The following EXOC6B variants were observed in gnomAD, a reference collection of about 807,000 sequenced individuals.
The protein encoded by EXOC6B is exocyst complex component 6B, also known as SEC15 homolog B.
In EXOC6B, 54 loss-of-function variants were observed where a neutral mutation model predicts 113.5. The observed-to-expected ratio is 0.48, with a 90% CI of 0.38 to 0.60. EXOC6B has a LOEUF of 0.60. Among genes scored for constraint, EXOC6B ranks in the 20% least tolerant of loss-of-function variants. The pLI is 0.00. For synonymous variants in EXOC6B, 357 were observed against 339.0 expected, an observed-to-expected ratio of 1.05 and a Z score of -0.58; for missense variants, 797 against 977.5, an observed-to-expected ratio of 0.82 and a Z score of 2.46.
At chr2:72,529,028 G>A (rs1457467344) in intron 8 of EXOC6B, among the ~76,000 whole-genome samples, 11 of 152,060 alleles carry the variant, frequency 7.2e-5, no homozygotes, top group Admixed American at 7.2e-4. Flanking sequence ...CATTCTGCAT[G>A]CCCTTTATCT....
intron 10 of EXOC6B, 42 bp from the exon 11 acceptor site, chr2:72,513,294 C>T: frequency 6.2e-7 from 1 of 1,608,750 alleles, no homozygotes; most frequent in Non-Finnish European, 8.5e-7. Context: ...TCAGAAATTA[C>T]AGTTTTATTA....
intron 6 of EXOC6B, among the ~76,000 whole-genome samples, chr2:72,699,770 G>A (rs1383493104): frequency 3.3e-5 from 5 of 152,164 alleles, no homozygotes; most frequent in Admixed American, 6.5e-5. Flanking sequence ...TGGCACCAGG[G>A]TAAAATTACC....
intron 6 of EXOC6B, among the ~76,000 whole-genome samples, chr2:72,658,705 T>C (rs1037575926): frequency 2.6e-5 from 4 of 152,240 alleles, no homozygotes; most frequent in African/African-American, 9.6e-5. Context: ...TATATACTTC[T>C]ATTGAGAGTT....
intron 1 of EXOC6B, among the ~76,000 whole-genome samples, chr2:72,810,856 C>T (rs922622481): frequency 1.1e-4 from 17 of 151,990 alleles, no homozygotes; most frequent in Admixed American, 1.0e-3. Flanking sequence ...GAGTTCAAGA[C>T]CAGGCTGGGT....
Position 72,701,290 on chromosome 2 carries a change from C to T in EXOC6B, c.669+16813G>A, listed in dbSNP as rs987028969. 4.1e-5 allele frequency among the ~76,000 whole-genome samples: 6 copies of T among 147,040 alleles called. No individual in the cohort carries two copies. The South Asian group carries it at 1.1e-3, about 26-fold the overall frequency. On this transcript the variant is annotated intron_variant, in intron 6 of 21. Transcript: ENST00000272427. ...CAGGAAGTCAAAGGATGCAGTGAGCCGAGATCGTACCACTGCACTCCAGCC... is the reference window on the plus strand; with the variant it reads ...CAGGAAGTCAAAGGATGCAGTGAGCTGAGATCGTACCACTGCACTCCAGCC...
At chr2:72,490,231 A>C (rs1699667410) in intron 16 of EXOC6B, among the ~76,000 whole-genome samples, 1 of 152,166 alleles carries the variant, frequency 6.6e-6, no homozygotes, top group African/African-American at 2.4e-5. Context: ...GGGGAAAAAA[A>C]CCTAGATTTA....
intron 20 of EXOC6B, among the ~76,000 whole-genome samples, chr2:72,225,961 T>A (rs546011625): frequency 1.3e-5 from 2 of 152,120 alleles, no homozygotes; most frequent in Admixed American, 1.3e-4. Context: ...AGAAGTTGTA[T>A]CCATTTATAG....
chr2:72,495,739 C>T (rs1700000548), intron 14 of EXOC6B, among the ~76,000 whole-genome samples, 200 bp from the exon 15 acceptor site: 1 of 152,024 alleles, frequency 6.6e-6, no homozygotes, highest in Admixed American at 6.6e-5. Context: ...TTCAAATGTC[C>T]TTCATCATGG....
At chr2:72,626,374 A>G (rs1396963718) in intron 6 of EXOC6B, among the ~76,000 whole-genome samples, 1 of 152,160 alleles carries the variant, frequency 6.6e-6, no homozygotes, top group Non-Finnish European at 1.5e-5. Flanking sequence ...CTAAATTAAG[A>G]AATATTTTAT....
chr2:72,555,141 A>T (rs1573384053), intron 8 of EXOC6B, among the ~76,000 whole-genome samples: 1 of 152,118 alleles, frequency 6.6e-6, no homozygotes, highest in Admixed American at 6.5e-5. Context: ...ACATTTTCTT[A>T]ACCCAGTCTA....
intron 6 of EXOC6B, among the ~76,000 whole-genome samples, chr2:72,705,230 C>T (rs1678765546): frequency 6.6e-6 from 1 of 152,106 alleles, no homozygotes; most frequent in African/African-American, 2.4e-5. Context: ...ACAAAAACCA[C>T]AATTATCTCA....
At chr2:72,262,599 AT>A (rs920937720) in intron 20 of EXOC6B, among the ~76,000 whole-genome samples, 1 of 152,188 alleles carries the variant, frequency 6.6e-6, no homozygotes, top group African/African-American at 2.4e-5. Flanking sequence ...CTTTTAATCA[AT>A]TTTGAATATA....
chr2:72,545,071 G>A (rs1186512444), intron 8 of EXOC6B, among the ~76,000 whole-genome samples: 1 of 151,970 alleles, frequency 6.6e-6, no homozygotes, highest in African/African-American at 2.4e-5. Context: ...ATTTACTACA[G>A]TTACATAAAA....
At chr2:72,698,495 T>C (rs1678053932) in intron 6 of EXOC6B, among the ~76,000 whole-genome samples, 1 of 152,142 alleles carries the variant, frequency 6.6e-6, no homozygotes, top group Non-Finnish European at 1.5e-5. Context: ...ACCAATTTTA[T>C]GCTTACTCAT....
At chr2:72,544,399 A>G (rs1042893043) in intron 8 of EXOC6B, among the ~76,000 whole-genome samples, 1 of 152,052 alleles carries the variant, frequency 6.6e-6, no homozygotes, top group East Asian at 1.9e-4. Flanking sequence ...AATAAACATG[A>G]CGGATTTTTT....
chr2:72,260,667 G>A (rs1044215148), intron 20 of EXOC6B, among the ~76,000 whole-genome samples: 2 of 152,172 alleles, frequency 1.3e-5, no homozygotes, highest in African/African-American at 4.8e-5. Context: ...AATTTGATAA[G>A]AGAACAGAGA....
chr2:72,712,073 C>G (rs773011533), intron 6 of EXOC6B, among the ~76,000 whole-genome samples: 1 of 152,044 alleles, frequency 6.6e-6, no homozygotes, highest in Non-Finnish European at 1.5e-5. Context: ...AATGATTGAC[C>G]TTGTACATTT....
chr2:72,672,546 C>CAAA (rs60924280), intron 6 of EXOC6B, among the ~76,000 whole-genome samples: 4 of 88,554 alleles, frequency 4.5e-5, no homozygotes, highest in South Asian at 4.3e-4. Flanking sequence ...GACTCTGTCT[C>CAAA]AAAAAAAAAA....
intron 6 of EXOC6B, among the ~76,000 whole-genome samples, chr2:72,692,627 A>T (rs1165501870): frequency 6.6e-6 from 1 of 152,196 alleles, no homozygotes; most frequent in East Asian, 1.9e-4. Context: ...CTGGAATTAC[A>T]GCCGTGAGCC....
Sources: gnomAD v4.1 joint callset for allele counts (sites outside exome capture counted in the v4.1 genomes callset) on GRCh38, gnomAD v4.1.1 for gene constraint, MANE v1.5 for transcripts, NCBI Gene and HGNC (gene_info 2026-07-23, HGNC 2026-07-21) for gene names.